UBE2H: variants seen among roughly 807,000 people sequenced by gnomAD.
UBE2H encodes the protein ubiquitin-conjugating enzyme E2 H.
A neutral mutation model predicts 29.0 loss-of-function variants in UBE2H; 3 were observed. The observed-to-expected ratio is 0.10, with a 90% CI of 0.05 to 0.27. The LOEUF is 0.27. Among genes scored for constraint, UBE2H ranks in the 10% least tolerant of loss-of-function variants. UBE2H has a pLI of 1.00. For synonymous variants in UBE2H, 69 were observed against 82.9 expected, an observed-to-expected ratio of 0.83 and a Z score of 0.91; for missense variants, 68 against 228.2, an observed-to-expected ratio of 0.30 and a Z score of 4.52.
intron 1 of UBE2H, among the ~76,000 whole-genome samples, chr7:129,910,716 T>G (rs934435114): frequency 2.0e-5 from 3 of 151,944 alleles, no homozygotes; most frequent in African/African-American, 7.3e-5. Context: ...ACCCCGTCTC[T>G]ACTAAAAATA....
In UBE2H at chr7:129,904,409, T is replaced by C. The variant is rs200981224; in HGVS notation, c.54-23438A>G. Among the ~76,000 whole-genome samples, 12 of 152,170 alleles carry C rather than the reference T, an allele frequency of 7.9e-5. No individual in the cohort carries two copies. In the East Asian group the frequency reaches 1.3e-3, roughly 17 times the overall value. The stretch of plus-strand genomic sequence containing the variant: ...TGCTGGGATTAACAGTGTGAGCCAC[T>C]GCACCAGGCCTTTATGGTGTGTCTA... On this transcript the variant is annotated intron_variant, in intron 1 of 6. Transcript: ENST00000355621.
intron 1 of UBE2H, among the ~76,000 whole-genome samples, chr7:129,917,646 A>C (rs1242779800): frequency 6.6e-6 from 1 of 152,212 alleles, no homozygotes. Flanking sequence ...CTAAATCCTG[A>C]ACTAATAAAA....
At chr7:129,903,471 T>C (rs1282909752) in intron 1 of UBE2H, among the ~76,000 whole-genome samples, 1 of 152,190 alleles carries the variant, frequency 6.6e-6, no homozygotes, top group Non-Finnish European at 1.5e-5. Context: ...ACATAAAGAC[T>C]GAAATTCTCG....
intron 3 of UBE2H, 150 bp downstream of exon 3, chr7:129,879,418 C>G: frequency 1.4e-6 from 1 of 706,720 alleles, no homozygotes; most frequent in Non-Finnish European, 2.5e-6. Context: ...GAAGTTCCCC[C>G]CAAAAGTCAC....
chr7:129,907,486 A>AT (rs1001183309), intron 1 of UBE2H, among the ~76,000 whole-genome samples: 2 of 152,202 alleles, frequency 1.3e-5, no homozygotes, highest in African/African-American at 4.8e-5. Flanking sequence ...TTTTATTGCA[A>AT]TAAGAGGTTC....
chr7:129,906,212 C>CTT (rs368590267), intron 1 of UBE2H, among the ~76,000 whole-genome samples: 78 of 143,084 alleles, frequency 5.5e-4, no homozygotes, highest in Admixed American at 2.5e-3. Flanking sequence ...TTTTTTCTTT[C>CTT]TTTTTTTTTT....
chr7:129,833,495 C>G lies in UBE2H; in HGVS notation c.*1442G>C, dbSNP rs1469787025. The G allele has an allele frequency of 6.6e-6, 1 of 152,220 alleles. No individual in the cohort carries two copies. The highest frequency in any genetic ancestry group is 1.5e-5 in the Non-Finnish European group (1 of 68,044). The allele number at this position is 152,220 out of a possible 1,614,324, so 9.4% of individuals were successfully genotyped here. On this transcript the variant is annotated 3_prime_UTR_variant, in exon 7 of 7. Transcript: ENST00000355621. ...CCCTCCGAGTTCAGCAGGCAACACT[C>G]AGATTTGAAAGAAACTCTGCAGCAA... is the stretch of plus-strand genomic sequence containing the variant.
intron 3 of UBE2H, among the ~76,000 whole-genome samples, chr7:129,863,527 A>C (rs77853406): frequency 6.6e-6 from 1 of 152,158 alleles, no homozygotes; most frequent in African/African-American, 2.4e-5. Flanking sequence ...AATGGCAAGC[A>C]CTCTGAGAAC....
intron 1 of UBE2H, among the ~76,000 whole-genome samples, chr7:129,946,109 G>C (rs1182132729): frequency 1.2e-4 from 18 of 150,476 alleles, no homozygotes; most frequent in Admixed American, 1.2e-3. Flanking sequence ...CTGGAGCACA[G>C]TGGCGCTATC....
chr7:129,893,222 T>C (rs1031162057), intron 1 of UBE2H, among the ~76,000 whole-genome samples: 16 of 152,182 alleles, frequency 1.1e-4, no homozygotes, highest in African/African-American at 3.9e-4. Flanking sequence ...TCTCTAGTGT[T>C]ATGCTTCATT....
chr7:129,849,629 G>A (rs1805573445), intron 5 of UBE2H, among the ~76,000 whole-genome samples: 2 of 152,070 alleles, frequency 1.3e-5, no homozygotes, highest in African/African-American at 2.4e-5. Flanking sequence ...CAACTTCAGT[G>A]ACAAAAAGCC....
intron 1 of UBE2H, among the ~76,000 whole-genome samples, chr7:129,890,238 TATACACACGTATAC>T (rs936828366): frequency 2.8e-5 from 4 of 145,310 alleles, no homozygotes; most frequent in South Asian, 2.1e-4. Flanking sequence ...CACATATATA[TATACACACGTATAC>T]ATACACACGT....
At chr7:129,864,044 C>CAA in intron 3 of UBE2H, among the ~76,000 whole-genome samples, 1 of 152,174 alleles carries the variant, frequency 6.6e-6, no homozygotes, top group Non-Finnish European at 1.5e-5. Flanking sequence ...CCACCCACCT[C>CAA]AGCCTCCAAA....
At chr7:129,875,454 T>C (rs1038929945) in intron 3 of UBE2H, among the ~76,000 whole-genome samples, 1 of 152,240 alleles carries the variant, frequency 6.6e-6, no homozygotes, top group African/African-American at 2.4e-5. Flanking sequence ...ACGTATTCTT[T>C]TGACAGTGCA....
At chr7:129,854,060 G>GTTTTTTTTTTT (rs56362841) in intron 5 of UBE2H, among the ~76,000 whole-genome samples, 2 of 100,282 alleles carry the variant, frequency 2.0e-5, no homozygotes, top group Middle Eastern at 5.3e-3. Context: ...TTTAGTGTTA[G>GTTTTTTTTTTT]TTTTTTTTTT....
intron 1 of UBE2H, among the ~76,000 whole-genome samples, chr7:129,898,984 C>G (rs1806655366): frequency 1.3e-5 from 2 of 152,180 alleles, no homozygotes; most frequent in African/African-American, 4.8e-5. Flanking sequence ...CATGTAGGTA[C>G]AAACTGTTCT....
intron 3 of UBE2H, among the ~76,000 whole-genome samples, 192 bp downstream of exon 3, chr7:129,879,376 G>A (rs887299783): frequency 6.6e-6 from 1 of 152,164 alleles, no homozygotes. Flanking sequence ...ATTATGCAAA[G>A]AGTATATTTA....
chr7:129,916,902 T>C (rs1188413377), intron 1 of UBE2H, among the ~76,000 whole-genome samples: 1 of 152,036 alleles, frequency 6.6e-6, no homozygotes, highest in Non-Finnish European at 1.5e-5. Flanking sequence ...CCAGGAGTGG[T>C]GGCGGGCGCC....
intron 1 of UBE2H, among the ~76,000 whole-genome samples, chr7:129,886,152 C>A (rs1806356058): frequency 6.6e-6 from 1 of 152,146 alleles, no homozygotes; most frequent in African/African-American, 2.4e-5. Flanking sequence ...ACCCATAAAT[C>A]ACATTTTATA....
Sources: gnomAD v4.1 joint callset for allele counts (sites outside exome capture counted in the v4.1 genomes callset) on GRCh38, gnomAD v4.1.1 for gene constraint, MANE v1.5 for transcripts, NCBI Gene and HGNC (gene_info 2026-07-23, HGNC 2026-07-21) for gene names.